The following NUBPL variants were observed in gnomAD, a reference collection of about 807,000 sequenced individuals.
The protein encoded by NUBPL is iron-sulfur cluster transfer protein NUBPL.
Under a neutral mutation model 45.7 loss-of-function variants are expected in NUBPL, and 31 were observed. That is an observed-to-expected ratio of 0.68 (90% CI 0.51 to 0.92). The LOEUF is 0.92. Ranked by LOEUF, NUBPL falls within the 40% of genes least tolerant of loss-of-function variation. The pLI, the probability that NUBPL is intolerant of heterozygous loss-of-function variation, is 0.00. For synonymous variants in NUBPL, 144 were observed against 140.9 expected (o/e 1.02, Z -0.15); for missense variants, 401 against 398.7 (o/e 1.01, Z -0.05).
chr14:31,686,188 G>A (rs865971337), intron 6 of NUBPL, among the ~76,000 whole-genome samples: 2 of 152,200 alleles, frequency 1.3e-5, no homozygotes, highest in Non-Finnish European at 2.9e-5. Context: ...AGCCTGCAAG[G>A]TGACATGGGT....
rs530404262 is a variant in NUBPL at position 31,572,644 on chromosome 14, G to A, written c.291+7596G>A. On this transcript the variant is annotated intron_variant, in intron 3 of 10. Transcript: ENST00000281081. ...GGTATGGGATGGAGGTGTTTGTTGC[G>A]ACTTAGTGGCCTACACACTGTTCTT... Among the ~76,000 whole-genome samples, 37 of 152,202 alleles carry A rather than the reference G, an allele frequency of 2.4e-4. No individual in the cohort carries two copies. In the East Asian group the frequency reaches 6.4e-3, roughly 26 times the overall value.
chr14:31,729,971 T>C (rs1298858480), intron 6 of NUBPL, among the ~76,000 whole-genome samples: 2 of 152,188 alleles, frequency 1.3e-5, no homozygotes, highest in African/African-American at 4.8e-5. Context: ...TTAAGAGTGA[T>C]GTATGCTGTA....
intron 6 of NUBPL, among the ~76,000 whole-genome samples, chr14:31,772,794 T>G (rs890595725): frequency 6.6e-6 from 1 of 152,172 alleles, no homozygotes; most frequent in African/African-American, 2.4e-5. Flanking sequence ...TTTTATCTCT[T>G]AAAATTGTCT....
intron 8 of NUBPL, among the ~76,000 whole-genome samples, chr14:31,836,558 G>A (rs2040284796): frequency 6.6e-6 from 1 of 152,158 alleles, no homozygotes; most frequent in Non-Finnish European, 1.5e-5. Flanking sequence ...ATTTAAGAGA[G>A]AAGAATTTTT....
intron 4 of NUBPL, among the ~76,000 whole-genome samples, chr14:31,621,094 C>T (rs535733647): frequency 4.9e-4 from 75 of 152,274 alleles, no homozygotes; most frequent in African/African-American, 1.8e-3. Flanking sequence ...AGGGTAAAAC[C>T]GCCTACTCAG....
chr14:31,698,885 C>T (rs2037272258), intron 6 of NUBPL, among the ~76,000 whole-genome samples: 1 of 150,486 alleles, frequency 6.6e-6, no homozygotes, highest in East Asian at 1.9e-4. Flanking sequence ...GACAGAGTCT[C>T]GCTTTGTCAC....
At chr14:31,843,529 G>C (rs2040407518) in intron 8 of NUBPL, among the ~76,000 whole-genome samples, 1 of 152,144 alleles carries the variant, frequency 6.6e-6, no homozygotes, top group Non-Finnish European at 1.5e-5. Flanking sequence ...GGCCTCTCTT[G>C]CTTACAACTC....
At chr14:31,658,796 G>C (rs182473526) in intron 4 of NUBPL, among the ~76,000 whole-genome samples, 9 of 152,116 alleles carry the variant, frequency 5.9e-5, no homozygotes, top group Non-Finnish European at 1.2e-4. Context: ...ACAGGTGTGC[G>C]CCACTGTGCC....
rs200399813 is a variant in NUBPL at position 31,568,812 on chromosome 14, AG to A, written c.291+3766del. 2.9e-3 allele frequency among the ~76,000 whole-genome samples: 436 copies of A among 152,342 alleles called. 13 individuals carry two copies. The South Asian group carries it at 0.041, about 14-fold the overall frequency. On this transcript the variant is annotated intron_variant, in intron 3 of 10. Transcript: ENST00000281081. Reference sequence around the variant, plus strand: ...ATAAGGTTGTAGGCCTAGGGGAAACAGGTCCAGGAAGCAATTCATTTTACTT... The same window carrying A: ...ATAAGGTTGTAGGCCTAGGGGAAACAGTCCAGGAAGCAATTCATTTTACTT...
chr14:31,727,189 G>A (rs2037944922), intron 6 of NUBPL, among the ~76,000 whole-genome samples: 1 of 152,212 alleles, frequency 6.6e-6, no homozygotes, highest in Admixed American at 6.5e-5. Flanking sequence ...ACTAGTATGA[G>A]CTGTGTGTTG....
intron 6 of NUBPL, among the ~76,000 whole-genome samples, chr14:31,721,999 T>G (rs1055399272): frequency 2.0e-5 from 3 of 152,126 alleles, no homozygotes; most frequent in Admixed American, 6.5e-5. Flanking sequence ...GTACCACATT[T>G]TCTTTTTTTT....
At chr14:31,698,910 A>G (rs2037272921) in intron 6 of NUBPL, among the ~76,000 whole-genome samples, 1 of 151,034 alleles carries the variant, frequency 6.6e-6, no homozygotes, top group African/African-American at 2.4e-5. Context: ...GCTGGAGTGC[A>G]GTGGCACGAT....
At chr14:31,714,311 T>A (rs1311365477) in intron 6 of NUBPL, among the ~76,000 whole-genome samples, 3 of 152,142 alleles carry the variant, frequency 2.0e-5, no homozygotes. Flanking sequence ...TGATGATATC[T>A]CTGAGACTTT....
At chr14:31,599,043 A>G (rs1240919467) in intron 3 of NUBPL, among the ~76,000 whole-genome samples, 1 of 152,192 alleles carries the variant, frequency 6.6e-6, no homozygotes. Flanking sequence ...AGCATATAGG[A>G]TGGATTTCTC....
intron 4 of NUBPL, among the ~76,000 whole-genome samples, chr14:31,644,959 A>G (rs1025708462): frequency 6.6e-6 from 1 of 152,126 alleles, no homozygotes; most frequent in Non-Finnish European, 1.5e-5. Context: ...ATACAAATAT[A>G]GCTATTCCTG....
rs76474673 is a variant in NUBPL, at chr14:31,623,758, C to T, written c.382+24379C>T. Among the ~76,000 whole-genome samples the T allele has an allele frequency of 3.5e-4, 54 of 152,148 alleles. 1 individual carries two copies. In the East Asian group the frequency reaches 6.2e-3, roughly 17 times the overall value. On this transcript the variant is annotated intron_variant, in intron 4 of 10. Transcript: ENST00000281081. ...ATAGTAGTATGAAAACGGACTAATACGTATGGCAATCAAGGGAGGGGGAAT... is the reference window on the plus strand; with the variant it reads ...ATAGTAGTATGAAAACGGACTAATATGTATGGCAATCAAGGGAGGGGGAAT...
intron 4 of NUBPL, among the ~76,000 whole-genome samples, chr14:31,662,768 A>G (rs569286734): frequency 8.5e-5 from 13 of 152,352 alleles, no homozygotes; most frequent in African/African-American, 2.9e-4. Flanking sequence ...TGCAATAAAT[A>G]TCCATGTGCA....
chr14:31,578,423 T>C (rs2033773788), intron 3 of NUBPL, among the ~76,000 whole-genome samples: 1 of 152,224 alleles, frequency 6.6e-6, no homozygotes, highest in African/African-American at 2.4e-5. Flanking sequence ...CATTCCAGCC[T>C]GTTTCTTTCT....
intron 6 of NUBPL, chr14:31,714,825 A>G (rs1355319416): frequency 6.6e-6 from 1 of 152,244 alleles, no homozygotes; most frequent in Non-Finnish European, 1.5e-5. Flanking sequence ...ATGCCCTAAT[A>G]GTTTAAGCAT....
Sources: gnomAD v4.1 joint callset for allele counts (sites outside exome capture counted in the v4.1 genomes callset) on GRCh38, gnomAD v4.1.1 for gene constraint, MANE v1.5 for transcripts, NCBI Gene and HGNC (gene_info 2026-07-23, HGNC 2026-07-21) for gene names.